SMYD4: variants seen among roughly 807,000 people sequenced by gnomAD.
SMYD4 encodes SET and MYND domain containing 4.
In SMYD4, 68 loss-of-function variants were observed where a neutral mutation model predicts 72.8. That is an observed-to-expected ratio of 0.93 (90% CI 0.77 to 1.14). SMYD4 has a LOEUF of 1.14. SMYD4 is among the 50% of genes most tolerant of loss of function. The pLI is 0.00. For synonymous variants in SMYD4, 407 were observed against 388.6 expected, an observed-to-expected ratio of 1.05 and a Z score of -0.56; for missense variants, 984 against 1,003.7, an observed-to-expected ratio of 0.98 and a Z score of 0.27.
chr17:1,823,928 CCT>C (rs1254741225), intron 2 of SMYD4, among the ~76,000 whole-genome samples: 1 of 152,114 alleles, frequency 6.6e-6, no homozygotes, highest in Non-Finnish European at 1.5e-5. Flanking sequence ...CCTTTGAGCC[CCT>C]GAATACAACC....
chr17:1,788,988 T>TA (rs1398783814), intron 5 of SMYD4, among the ~76,000 whole-genome samples: 1 of 152,044 alleles, frequency 6.6e-6, no homozygotes, highest in Admixed American at 6.6e-5. Context: ...GGTTGGAAGA[T>TA]AAAAAATACC....
rs774791826 is a variant in SMYD4, at chr17:1,804,683, G to A, written c.312C>T (p.Asp104=). 3.1e-6 allele frequency: 5 copies of A among 1,613,612 alleles called. No homozygotes were observed. In the East Asian group the frequency reaches 6.7e-5, roughly 22 times the overall value. ...AGCGGTTAGCATGACACAGTGACATGTCCTCAGTGTTAGGCCTTGAATGTG... is the reference window on the plus strand; with the variant it reads ...AGCGGTTAGCATGACACAGTGACATATCCTCAGTGTTAGGCCTTGAATGTG... ...GVSHSRPNTE[D]MSLCHANRSA... The change falls in exon 4 of 11, where the codon GAC becomes GAT. Residue 104 remains aspartate, a synonymous_variant. Transcript: ENST00000305513.
chr17:1,824,696 T>C (rs540652254), intron 2 of SMYD4, among the ~76,000 whole-genome samples: 2 of 152,294 alleles, frequency 1.3e-5, no homozygotes, highest in African/African-American at 4.8e-5. Context: ...CTCAGCGCAC[T>C]GCACCCTCCG....
intron 2 of SMYD4, among the ~76,000 whole-genome samples, chr17:1,827,080 G>A (rs1911218180): frequency 1.3e-5 from 2 of 152,242 alleles, no homozygotes; most frequent in South Asian, 2.1e-4. Context: ...TTGAACCCAG[G>A]AGGTGGAGAT....
rs1305465265 is a variant in SMYD4 at position 1,786,814 on chromosome 17, A to G, written c.1880T>C (p.Met627Thr). ...GGAGACAGAAGAGAGAATTACCTGC[A>G]TGGGCGCTCCGCAACTGTTGCAACA... ...AFCCNSCGAP[M>T]QGDDVLRCGS... The change falls in exon 7 of 11, where the codon ATG becomes ACG. Residue 627 changes from methionine to threonine, a missense_variant. Transcript: ENST00000305513. 3.1e-6 allele frequency: 5 copies of G among 1,614,058 alleles called. No individual in the cohort carries two copies. Among genetic ancestry groups the G allele is most frequent in the Non-Finnish European group, 4.2e-6 (5 of 1,180,048 alleles).
chr17:1,800,210 A>G lies in SMYD4; in HGVS notation c.1184T>C (p.Leu395Pro), dbSNP rs1909641998. The G allele has an allele frequency of 6.2e-6, 10 of 1,613,690 alleles. No individual in the cohort carries two copies. Among genetic ancestry groups the G allele is most frequent in the South Asian group, 1.1e-5 (1 of 91,046 alleles). ...GTTGCCATTTTTCTCACTCTCCCCT[A>G]GGCCATAATTAAGTGTCTTGACCTG... ...NNQVKTLNYG[L>P]GESEKNGNIV... Residue 395 changes from leucine (L) to proline (P), a missense_variant, in exon 5 of 11, where the codon CTA (leucine) becomes CCA (proline). Coordinates refer to ENST00000305513, the MANE Select transcript of SMYD4 (RefSeq NM_052928.3).
intron 3 of SMYD4, among the ~76,000 whole-genome samples, chr17:1,806,322 C>T (rs77535201): frequency 0.025 from 3,818 of 152,164 alleles, 152 homozygotes; most frequent in African/African-American, 0.086. Context: ...TTAATAAACT[C>T]GACCGCCTGA....
At chr17:1,788,166 A>T (rs1908806979) in intron 5 of SMYD4, among the ~76,000 whole-genome samples, 1 of 151,994 alleles carries the variant, frequency 6.6e-6, no homozygotes, top group South Asian at 2.1e-4. Flanking sequence ...TGGACAACAC[A>T]GCTAGATTTG....
intron 3 of SMYD4, among the ~76,000 whole-genome samples, chr17:1,809,358 T>C (rs980599497): frequency 6.0e-5 from 8 of 134,068 alleles, no homozygotes; most frequent in South Asian, 2.3e-4. Flanking sequence ...TTATACATTA[T>C]TATTATTGTT....
intron 1 of SMYD4, 73 bp from the exon 2 acceptor site, chr17:1,828,079 G>A (rs535056218): frequency 1.6e-5 from 23 of 1,475,036 alleles, no homozygotes; most frequent in East Asian, 4.7e-5. Flanking sequence ...AGCCAGGTAC[G>A]GTGGCTCACA....
intron 10 of SMYD4, chr17:1,782,478 CAA>C (rs34006259): frequency 0.016 from 1,989 of 123,412 alleles, 28 homozygotes; most frequent in African/African-American, 0.05. Context: ...GACCCCTTCT[CAA>C]AAAAAAAAAA....
rs1261294922 is a variant in SMYD4 at position 1,812,103 on chromosome 17, C to T, written c.147G>A (p.Glu49=). Residue 49 remains glutamate, a synonymous_variant, in exon 3 of 11, where the codon GAG becomes GAA. Coordinates refer to ENST00000305513, the MANE Select transcript of SMYD4 (RefSeq NM_052928.3). ...CTTTAGAAAGTCTTTTTAGAAACAG[C>T]TCATCCTCAGGTCTGCATGAAGAAA... ...HSSSLLQPED[E]LFLKRLSKGY... is the part of the protein sequence containing the mutation. 5 of 1,613,920 alleles carry T rather than the reference C, an allele frequency of 3.1e-6. No individual in the cohort carries two copies. The highest frequency in any genetic ancestry group is 4.2e-6 in the Non-Finnish European group (5 of 1,179,978).
In SMYD4 at chr17:1,785,439, G is replaced by GAAAAAAAAAA. The variant is rs56261871; in HGVS notation, c.1885-988_1885-979dup. Reference sequence around the variant, plus strand: ...GAGACTCTGTCTCACAAAAGAAAAAGAAAAAAAAAAAAAAAAGAAAACCAA... The same window carrying GAAAAAAAAAA: ...GAGACTCTGTCTCACAAAAGAAAAAGAAAAAAAAAAAAAAAAAAAAAAAAAAGAAAACCAA... On this transcript the variant is annotated intron_variant, in intron 7 of 10. Coordinates refer to ENST00000305513, the MANE Select transcript of SMYD4 (RefSeq NM_052928.3). Among the ~76,000 whole-genome samples the GAAAAAAAAAA allele has an allele frequency of 2.6e-4, 32 of 124,530 alleles. 2 individuals carry two copies. The highest frequency in any genetic ancestry group is 4.2e-4 in the Non-Finnish European group (25 of 60,018). 81.7% of individuals were successfully genotyped at this position (124,530 alleles called of 152,430 possible).
At position 1,800,795 on chromosome 17, in the gene SMYD4, T is replaced by C. The variant is rs150575188; in HGVS notation, c.599A>G (p.Glu200Gly). ...GAAGCTTTCTGTGAGACTGTCCTTTTCTTGCATCTTCATTTTCAGACGATG... is the reference window on the plus strand; with the variant it reads ...GAAGCTTTCTGTGAGACTGTCCTTTCCTTGCATCTTCATTTTCAGACGATG... Reference protein sequence around the residue: ...NLHRLKMKMQEKDSLTESFPA... With the variant: ...NLHRLKMKMQGKDSLTESFPA... The change falls in exon 5 of 11, where the codon GAA (glutamate) becomes GGA (glycine). Residue 200 changes from glutamate to glycine, a missense_variant. By Grantham distance (98) the Glu-to-Gly change is moderately conservative. Transcript: ENST00000305513. The C allele has an allele frequency of 6.3e-5, 101 of 1,614,222 alleles. No homozygotes were observed. In the African/African-American group the frequency reaches 9.9e-4, roughly 16 times the overall value.
intron 3 of SMYD4, among the ~76,000 whole-genome samples, chr17:1,804,999 A>C (rs947631369): frequency 2.0e-5 from 3 of 152,228 alleles, no homozygotes; most frequent in African/African-American, 7.2e-5. Context: ...ATATCCTACA[A>C]CCTGAATATA....
rs73976121 is a variant in SMYD4, at chr17:1,780,023, C to G, written c.*1263G>C. ...AAAATCCTTTTAAAGGACTTGGAATCTCCAGATACTAGTTTTAAGTCTTTT... is the reference window on the plus strand; with the variant it reads ...AAAATCCTTTTAAAGGACTTGGAATGTCCAGATACTAGTTTTAAGTCTTTT... On this transcript the variant is annotated 3_prime_UTR_variant, in exon 11 of 11. Coordinates refer to ENST00000305513, the MANE Select transcript of SMYD4 (RefSeq NM_052928.3). 0.1 allele frequency: 16,006 copies of G among 152,486 alleles called. 1,388 individuals are homozygous for G. Among genetic ancestry groups the G allele is most frequent in the African/African-American group, 0.23 (9,671 of 41,472 alleles). The allele number at this position is 152,486 out of a possible 1,614,324, so 9.4% of individuals were successfully genotyped here. A position where few individuals can be genotyped will look rare whatever the true frequency, so the allele number is the denominator to read the frequency against.
At chr17:1,827,760 C>A in intron 2 of SMYD4, 101 bp downstream of exon 2, 1 of 1,423,622 alleles carries the variant, frequency 7.0e-7, no homozygotes, top group Non-Finnish European at 9.4e-7. Flanking sequence ...ACAAGCAAGA[C>A]TCAATCTTTA....
intron 7 of SMYD4, 115 bp from the exon 8 acceptor site, chr17:1,784,576 T>G: frequency 1.3e-6 from 2 of 1,508,816 alleles, no homozygotes; most frequent in Non-Finnish European, 1.8e-6. Flanking sequence ...AAGAGACTCC[T>G]GTAACAATAC....
At chr17:1,799,373 ATT>A (rs963213315) in intron 5 of SMYD4, among the ~76,000 whole-genome samples, 1 of 145,754 alleles carries the variant, frequency 6.9e-6, no homozygotes, top group Admixed American at 6.9e-5. Flanking sequence ...GAATCAAATA[ATT>A]TTTTTTTTTT....
Sources: allele counts gnomAD v4.1 joint callset (sites outside exome capture counted in the v4.1 genomes callset), GRCh38; gene constraint gnomAD v4.1.1; transcripts MANE v1.5; gene names NCBI Gene and HGNC (gene_info 2026-07-23, HGNC 2026-07-21).